ERICH6B: variants seen among roughly 807,000 people sequenced by gnomAD.
ERICH6B encodes the protein glutamate-rich protein 6B.
Under a neutral mutation model 80.0 loss-of-function variants are expected in ERICH6B, and 69 were observed. The ratio of observed to expected loss-of-function variants is 0.86; its 90% CI spans 0.71 to 1.05. The LOEUF is 1.05. Among genes scored for constraint, ERICH6B ranks in the 50% least tolerant of loss-of-function variants. The pLI is 0.00. For missense variants in ERICH6B, 754 were observed against 796.1 expected, an observed-to-expected ratio of 0.95 and a Z score of 0.64; for synonymous variants, 283 against 291.9, an observed-to-expected ratio of 0.97 and a Z score of 0.31.
chr13:45,593,354 G>A (rs943273795), intron 3 of ERICH6B, among the ~76,000 whole-genome samples: 4 of 152,296 alleles, frequency 2.6e-5, no homozygotes, highest in African/African-American at 7.2e-5. Context: ...AGCAGGTAAT[G>A]TGGCTAGGGG....
chr13:45,566,482 G>A (rs905918066), intron 9 of ERICH6B, among the ~76,000 whole-genome samples: 23 of 152,250 alleles, frequency 1.5e-4, no homozygotes, highest in African/African-American at 4.6e-4. Flanking sequence ...CCTGTGTTGT[G>A]TGCGGCCTAG....
chr13:45,576,883 T>G (rs1352172827), intron 7 of ERICH6B, among the ~76,000 whole-genome samples: 1 of 152,100 alleles, frequency 6.6e-6, no homozygotes, highest in Non-Finnish European at 1.5e-5. Flanking sequence ...ACATGTCAAG[T>G]GTAATAAGCA....
At chr13:45,544,395 T>C (rs146229335) in intron 14 of ERICH6B, among the ~76,000 whole-genome samples, 2 of 151,714 alleles carry the variant, frequency 1.3e-5, no homozygotes, top group Non-Finnish European at 2.9e-5. Context: ...TAATTTTAAA[T>C]TTTTTTTGTG....
chr13:45,603,155 G>T (rs923394206), intron 2 of ERICH6B, among the ~76,000 whole-genome samples: 1 of 152,098 alleles, frequency 6.6e-6, no homozygotes, highest in African/African-American at 2.4e-5. Context: ...AGAAGAATGA[G>T]AAAAAAATTG....
At chr13:45,563,321 T>C in intron 10 of ERICH6B, among the ~76,000 whole-genome samples, 1 of 152,192 alleles carries the variant, frequency 6.6e-6, no homozygotes, top group Non-Finnish European at 1.5e-5. Flanking sequence ...TACTTTCTTA[T>C]CTATCCTTCC....
At chr13:45,561,125 T>C (rs1422999432) in intron 11 of ERICH6B, among the ~76,000 whole-genome samples, 2 of 152,110 alleles carry the variant, frequency 1.3e-5, no homozygotes, top group African/African-American at 2.4e-5. Context: ...TTTATTCCAC[T>C]CTCAAACCCA....
intron 11 of ERICH6B, among the ~76,000 whole-genome samples, chr13:45,560,693 A>T (rs916730925): frequency 1.3e-5 from 2 of 152,194 alleles, no homozygotes; most frequent in African/African-American, 4.8e-5. Flanking sequence ...CCAGAATGTC[A>T]TATAGTAGGT....
chr13:45,572,948 G>A (rs1320646563), intron 8 of ERICH6B, among the ~76,000 whole-genome samples: 33 of 151,166 alleles, frequency 2.2e-4, no homozygotes, highest in Non-Finnish European at 1.5e-5. Flanking sequence ...TGACCTTGGT[G>A]GTCGAGGATA....
chr13:45,551,207 A>G (rs1874209384), intron 11 of ERICH6B, among the ~76,000 whole-genome samples: 1 of 152,150 alleles, frequency 6.6e-6, no homozygotes, highest in Non-Finnish European at 1.5e-5. Context: ...ACCTTGTCAG[A>G]AAGTTTGCCT....
chr13:45,570,341 T>C (rs528244796), intron 8 of ERICH6B, among the ~76,000 whole-genome samples: 1 of 152,290 alleles, frequency 6.6e-6, no homozygotes, highest in African/African-American at 2.4e-5. Context: ...CTCACACCTG[T>C]AATCCCAGCA....
chr13:45,580,018 G>A, intron 6 of ERICH6B, 44 bp from the exon 7 acceptor site: 1 of 1,432,590 alleles, frequency 7.0e-7, no homozygotes, highest in East Asian at 2.5e-5. Context: ...ACGGTATAGT[G>A]AACTAGTCCA....
At chr13:45,594,447 T>C (rs1876280949) in intron 3 of ERICH6B, among the ~76,000 whole-genome samples, 1 of 152,236 alleles carries the variant, frequency 6.6e-6, no homozygotes. Context: ...GCTTGATTCA[T>C]ACCGTGCAAG....
rs942655289 is a variant in ERICH6B, at chr13:45,542,067, G to A, written c.1873-387C>T. ...CTGGGATGCCTCACAGTGGCTACCC[G>A]TGAGCCCCGCCTCCACCTTGGGCTC... is the stretch of plus-strand genomic sequence containing the variant. On this transcript the variant is annotated intron_variant, in intron 14 of 14. Coordinates refer to ENST00000298738, the MANE Select transcript of ERICH6B (RefSeq NM_182542.3). Among the ~76,000 whole-genome samples the A allele has an allele frequency of 3.9e-5, 6 of 152,234 alleles. No individual in the cohort carries two copies. In the South Asian group the frequency reaches 6.2e-4, roughly 16 times the overall value.
chr13:45,568,371 A>T lies in ERICH6B; in HGVS notation c.1131T>A (p.Phe377Leu). Residue 377 changes from phenylalanine to leucine, a missense_variant, in exon 9 of 15, where the codon TTT becomes TTA. Transcript: ENST00000298738. Reference sequence around the variant, plus strand: ...CCAGTAGCTTAGTTAGGGGAATGTCAAAATCCTCTTCCAGTTCATTGTGAG... The same window carrying T: ...CCAGTAGCTTAGTTAGGGGAATGTCTAAATCCTCTTCCAGTTCATTGTGAG... ...MAAHNELEEDFDIPLTKLLES... is the reference protein window; with the variant it reads ...MAAHNELEEDLDIPLTKLLES... 1 of 1,549,400 alleles carries T rather than the reference A, an allele frequency of 6.5e-7. No homozygotes were observed. The highest frequency in any genetic ancestry group is 8.7e-7 in the Non-Finnish European group (1 of 1,146,184).
chr13:45,563,654 G>T (rs1874788830), intron 10 of ERICH6B, 73 bp downstream of exon 10: 1 of 1,320,774 alleles, frequency 7.6e-7, no homozygotes, highest in Non-Finnish European at 1.1e-6. Flanking sequence ...TACAGTACAT[G>T]CAGAAGGGGA....
At position 45,544,689 on chromosome 13, in the gene ERICH6B, C is replaced by A. The variant is rs1218132889; in HGVS notation, c.1872+71G>T. 25 of 1,378,892 alleles carry A rather than the reference C, an allele frequency of 1.8e-5. No individual in the cohort carries two copies. In the East Asian group the frequency reaches 6.0e-4, roughly 33 times the overall value. 85.4% of individuals were successfully genotyped at this position (1,378,892 alleles called of 1,614,324 possible). On this transcript the variant is annotated intron_variant, in intron 14 of 14. Transcript: ENST00000298738. ...CTGGAGGCCTGTGGCATGGGCCAGTCCAAGCCAGCAGTGGCCTTTGTACAG... is the reference window on the plus strand; with the variant it reads ...CTGGAGGCCTGTGGCATGGGCCAGTACAAGCCAGCAGTGGCCTTTGTACAG...
At chr13:45,591,110 T>G (rs1876138245) in intron 3 of ERICH6B, among the ~76,000 whole-genome samples, 1 of 152,232 alleles carries the variant, frequency 6.6e-6, no homozygotes, top group Non-Finnish European at 1.5e-5. Flanking sequence ...TTGAATGATA[T>G]GGCATAAAGA....
At chr13:45,584,832 C>T (rs924875071) in intron 5 of ERICH6B, among the ~76,000 whole-genome samples, 1 of 152,188 alleles carries the variant, frequency 6.6e-6, no homozygotes, top group Non-Finnish European at 1.5e-5. Flanking sequence ...GGGCTGAAAG[C>T]TCTGCTTGTC....
chr13:45,602,011 A>T (rs1949830423), intron 2 of ERICH6B, among the ~76,000 whole-genome samples: 1 of 152,170 alleles, frequency 6.6e-6, no homozygotes, highest in African/African-American at 2.4e-5. Context: ...TATGTGTGTG[A>T]ATGTGTGTTG....
Sources: allele counts gnomAD v4.1 joint callset (sites outside exome capture counted in the v4.1 genomes callset), GRCh38; gene constraint gnomAD v4.1.1; transcripts MANE v1.5; gene names NCBI Gene and HGNC (gene_info 2026-07-23, HGNC 2026-07-21).